The following NRP1 variants were observed in gnomAD, a reference collection of about 807,000 sequenced individuals.
The protein encoded by NRP1 is neuropilin 1, also known as neuropilin-1.
Under a neutral mutation model 106.7 loss-of-function variants are expected in NRP1, and 35 were observed. The observed-to-expected ratio is 0.33, with a 90% CI of 0.25 to 0.43. NRP1 has a LOEUF of 0.43. Ranked by LOEUF, NRP1 falls within the 20% of genes least tolerant of loss-of-function variation. NRP1 has a pLI of 1.00. For missense variants in NRP1, 1,024 were observed against 1,170.4 expected (o/e 0.87, Z 1.83); for synonymous variants, 437 against 417.9 (o/e 1.05, Z -0.56).
rs147029287 is a variant in NRP1 at position 33,208,793 on chromosome 10, A to G, written c.1615-1077T>C. 5.3e-5 allele frequency among the ~76,000 whole-genome samples: 8 copies of G among 152,120 alleles called. No homozygotes were observed. The East Asian group carries it at 1.5e-3, about 29-fold the overall frequency. Reference sequence around the variant, plus strand: ...TATTGAAAAACCATAAAAGTTCCTCAATTGTTTATATAGAACCTAATCTAT... The same window carrying G: ...TATTGAAAAACCATAAAAGTTCCTCGATTGTTTATATAGAACCTAATCTAT... On this transcript the variant is annotated intron_variant, in intron 9 of 16. Transcript: ENST00000374867.
At chr10:33,206,016 A>G in intron 10 of NRP1, 1 of 332,108 alleles carries the variant, frequency 3.0e-6, no homozygotes, top group South Asian at 2.5e-5. Flanking sequence ...ATGAACAAGG[A>G]CAGCTTGGAG....
intron 6 of NRP1, among the ~76,000 whole-genome samples, chr10:33,238,428 GA>G (rs1840749658): frequency 6.6e-6 from 1 of 152,228 alleles, no homozygotes; most frequent in African/African-American, 2.4e-5. Context: ...AGTGTGGAGA[GA>G]ACTTCATGGG....
At position 33,179,675 on chromosome 10, in the gene NRP1, G is replaced by A; in HGVS notation, c.*401C>T. On this transcript the variant is annotated 3_prime_UTR_variant, in exon 17 of 17. Coordinates refer to ENST00000374867, the MANE Select transcript of NRP1 (RefSeq NM_003873.7). ...GTATATTCTGGGCACTGGGTTTCAG[G>A]TAGCATGTCCATCCAAAGGGCCACA... is the stretch of plus-strand genomic sequence containing the variant. The A allele has an allele frequency of 5.4e-6, 1 of 186,124 alleles. No individual in the cohort carries two copies. 11.5% of individuals were successfully genotyped at this position (186,124 alleles called of 1,614,324 possible).
intron 2 of NRP1, among the ~76,000 whole-genome samples, chr10:33,316,932 A>T (rs1353144067): frequency 6.6e-6 from 1 of 152,220 alleles, no homozygotes; most frequent in East Asian, 1.9e-4. Flanking sequence ...TGCAGTCACC[A>T]CTTTCAATAC....
intron 6 of NRP1, among the ~76,000 whole-genome samples, chr10:33,239,473 G>A (rs1271524888): frequency 6.6e-6 from 1 of 152,194 alleles, no homozygotes; most frequent in East Asian, 1.9e-4. Context: ...CAATGTTAAG[G>A]TGTTTGAGCA....
rs1164817714 is a variant in NRP1 at position 33,226,138 on chromosome 10, G to C, written c.1133C>G (p.Pro378Arg). ...DWITIKEGNK[P>R]VLFQGNTNPT... Reference sequence around the variant, plus strand: ...CACGGTGGCAGCCTAACTTACAACAGGTTTGTTTCCTTCTTTTATGGTGAT... The same window carrying C: ...CACGGTGGCAGCCTAACTTACAACACGTTTGTTTCCTTCTTTTATGGTGAT... Residue 378 changes from proline to arginine, a missense_variant, in exon 7 of 17, where the codon CCT becomes CGT. Around this residue, in one of 5 missense-constraint regions of NRP1, gnomAD observed 562 missense variants for 620.3 expected, o/e 0.91. Transcript: ENST00000374867. 6.2e-6 allele frequency: 10 copies of C among 1,613,950 alleles called. No individual in the cohort carries two copies. The African/African-American group carries it at 1.2e-4, about 19-fold the overall frequency.
At chr10:33,210,228 G>C (rs1453959125) in intron 9 of NRP1, among the ~76,000 whole-genome samples, 1 of 151,796 alleles carries the variant, frequency 6.6e-6, no homozygotes, top group Admixed American at 6.6e-5. Context: ...TCACTATCGG[G>C]GTTCTGCACT....
chr10:33,255,374 A>T (rs1186095589), intron 5 of NRP1, among the ~76,000 whole-genome samples: 1 of 152,136 alleles, frequency 6.6e-6, no homozygotes, highest in Non-Finnish European at 1.5e-5. Flanking sequence ...ACCTCTCCAA[A>T]CACCCCCTGT....
At chr10:33,200,247 G>T (rs1000091315) in intron 11 of NRP1, among the ~76,000 whole-genome samples, 1 of 152,132 alleles carries the variant, frequency 6.6e-6, no homozygotes, top group African/African-American at 2.4e-5. Flanking sequence ...CCACGGTTGG[G>T]TACACACAGC....
intron 6 of NRP1, among the ~76,000 whole-genome samples, chr10:33,243,973 G>A (rs1422220623): frequency 1.3e-5 from 2 of 151,306 alleles, no homozygotes; most frequent in Non-Finnish European, 2.9e-5. Flanking sequence ...GTGCATGCAT[G>A]CTTGCGTCTG....
chr10:33,285,204 G>A (rs537655295), intron 2 of NRP1, among the ~76,000 whole-genome samples: 3 of 152,292 alleles, frequency 2.0e-5, no homozygotes, highest in East Asian at 1.9e-4. Flanking sequence ...CCTCTAGTTT[G>A]TCTCCCTGAG....
intron 8 of NRP1, among the ~76,000 whole-genome samples, chr10:33,221,450 G>A (rs1839233697): frequency 6.6e-6 from 1 of 152,042 alleles, no homozygotes; most frequent in Non-Finnish European, 1.5e-5. Flanking sequence ...ATCACAACTA[G>A]GCTGTATGGC....
intron 10 of NRP1, chr10:33,206,117 C>A: frequency 2.1e-6 from 1 of 476,830 alleles, no homozygotes. Context: ...TTCAAAACTG[C>A]CACCAGGCTG....
intron 2 of NRP1, among the ~76,000 whole-genome samples, chr10:33,310,248 C>CTTTTTT (rs35513274): frequency 3.7e-5 from 3 of 80,150 alleles, no homozygotes; most frequent in Admixed American, 1.9e-4. Context: ...TGCGCCCGGC[C>CTTTTTT]TTTTTTTTTT....
At chr10:33,315,180 T>A (rs1424742940) in intron 2 of NRP1, among the ~76,000 whole-genome samples, 1 of 152,232 alleles carries the variant, frequency 6.6e-6, no homozygotes, top group Non-Finnish European at 1.5e-5. Flanking sequence ...AGAAAAACTT[T>A]CAGCCAAGCA....
intron 15 of NRP1, among the ~76,000 whole-genome samples, chr10:33,184,908 T>C (rs995913128): frequency 1.3e-5 from 2 of 152,238 alleles, no homozygotes; most frequent in Admixed American, 1.3e-4. Context: ...CATCCTATTA[T>C]ATAATGATGT....
At chr10:33,319,623 G>C (rs1847326293) in intron 2 of NRP1, among the ~76,000 whole-genome samples, 1 of 118,234 alleles carries the variant, frequency 8.5e-6, no homozygotes, top group Admixed American at 1.1e-4. Flanking sequence ...GTCTCCTTCT[G>C]TTGCCCAGGC....
chr10:33,197,696 C>G lies in NRP1; in HGVS notation c.1878G>C (p.Val626=). 1.3e-6 allele frequency: 2 copies of G among 1,598,004 alleles called. No individual in the cohort carries two copies. Among genetic ancestry groups the G allele is most frequent in the Non-Finnish European group, 1.7e-6 (2 of 1,171,110 alleles). ...DDFQLTGGTT[V]LATEKPTVID... ...TGACCGTGGGCTTTTCTGTGGCCAGCACAGTGGTGCCACCTGAAAAACAAA... is the reference window on the plus strand; with the variant it reads ...TGACCGTGGGCTTTTCTGTGGCCAGGACAGTGGTGCCACCTGAAAAACAAA... The change falls in exon 12 of 17, where the codon GTG becomes GTC. Residue 626 remains valine, a synonymous_variant. Coordinates refer to ENST00000374867, the MANE Select transcript of NRP1 (RefSeq NM_003873.7).
chr10:33,183,776 C>A (rs1329527570), intron 15 of NRP1, among the ~76,000 whole-genome samples: 1 of 152,100 alleles, frequency 6.6e-6, no homozygotes. Flanking sequence ...GCATCCACAC[C>A]CAGATGTTCA....
Sources: gnomAD v4.1 joint callset for allele counts (sites outside exome capture counted in the v4.1 genomes callset) on GRCh38, gnomAD v4.1.1 for gene constraint, gnomAD v4.1.1 regional missense constraint, MANE v1.5 for transcripts, NCBI Gene and HGNC (gene_info 2026-07-23, HGNC 2026-07-21) for gene names.